Variants in SYT6 observed in about 807,000 individuals in gnomAD.
SYT6 encodes synaptotagmin 6.
A neutral mutation model predicts 38.4 loss-of-function variants in SYT6; 24 were observed. That is an observed-to-expected ratio of 0.62 (90% confidence interval 0.45 to 0.88). SYT6 has a LOEUF of 0.88. SYT6 is among the 40% of genes least tolerant of loss of function. The probability of loss-of-function intolerance (pLI) is 0.00; values close to 1 mark genes in which losing one functional copy is unlikely to be tolerated. For missense variants in SYT6, 611 were observed against 621.0 expected, an observed-to-expected ratio of 0.98 and a Z score of 0.17; for synonymous variants, 265 against 241.9, an observed-to-expected ratio of 1.10 and a Z score of -0.89.
intron 3 of SYT6, 137 bp downstream of exon 3, chr1:114,137,358 G>A: frequency 1.0e-6 from 1 of 990,270 alleles, no homozygotes; most frequent in East Asian, 2.6e-5. Context: ...TGGGCCACTG[G>A]GCAGTTTCCA....
intron 3 of SYT6, among the ~76,000 whole-genome samples, chr1:114,133,614 G>C (rs1235018569): frequency 6.6e-6 from 1 of 152,178 alleles, no homozygotes; most frequent in African/African-American, 2.4e-5. Context: ...AGAGATGGGG[G>C]AAACAGCAGG....
Position 114,153,728 on chromosome 1 carries a change from C to G in SYT6, c.45G>C (p.Ala15=). 1 of 682,220 alleles carries G rather than the reference C, an allele frequency of 1.5e-6. No homozygotes were observed. The highest frequency in any genetic ancestry group is 2.9e-5 in the East Asian group (1 of 34,010). 42.3% of individuals were successfully genotyped at this position (682,220 alleles called of 1,614,324 possible). A position where few individuals can be genotyped will look rare whatever the true frequency, so the allele number is the denominator to read the frequency against. ...WGAGGPRCQE[A]LAVLASLCRA... Reference sequence around the variant, plus strand: ...GGCACAGCGAGGCGAGGACCGCGAGCGCCTCCTGGCACCGAGGCCCGCCGG... The same window carrying G: ...GGCACAGCGAGGCGAGGACCGCGAGGGCCTCCTGGCACCGAGGCCCGCCGG... Residue 15 remains alanine (A), a synonymous_variant, in exon 1 of 8, where the codon GCG becomes GCC. Coordinates refer to ENST00000610222, the MANE Select transcript of SYT6 (RefSeq NM_001253772.2).
chr1:114,092,328 C>CTCTCTCTT (rs2101614396), intron 7 of SYT6, among the ~76,000 whole-genome samples: 1 of 147,440 alleles, frequency 6.8e-6, no homozygotes, highest in African/African-American at 2.5e-5. Flanking sequence ...CTCTCTCTCT[C>CTCTCTCTT]TCTCTCTCTC....
chr1:114,120,426 C>A (rs1016835035), intron 3 of SYT6, among the ~76,000 whole-genome samples: 1 of 152,184 alleles, frequency 6.6e-6, no homozygotes, highest in African/African-American at 2.4e-5. Context: ...GAGGGCAGGG[C>A]GTGCACATTG....
intron 1 of SYT6, among the ~76,000 whole-genome samples, chr1:114,149,016 A>G (rs551159767): frequency 2.0e-5 from 3 of 151,890 alleles, no homozygotes; most frequent in East Asian, 1.9e-4. Flanking sequence ...TGGGAGGGAT[A>G]CTCCCACTTT....
At chr1:114,111,931 C>T (rs974426200) in intron 3 of SYT6, among the ~76,000 whole-genome samples, 4 of 152,144 alleles carry the variant, frequency 2.6e-5, no homozygotes, top group African/African-American at 9.7e-5. Context: ...TGAGTTGATT[C>T]CCTGCTCCGC....
At chr1:114,113,623 G>A (rs1271633033) in intron 3 of SYT6, among the ~76,000 whole-genome samples, 4 of 151,984 alleles carry the variant, frequency 2.6e-5, no homozygotes, top group Non-Finnish European at 5.9e-5. Flanking sequence ...TTCCTCTTTT[G>A]GATTTAGATC....
chr1:114,134,869 A>G (rs1439956506), intron 3 of SYT6, among the ~76,000 whole-genome samples: 1 of 152,212 alleles, frequency 6.6e-6, no homozygotes, highest in Non-Finnish European at 1.5e-5. Context: ...GGGAATTCAT[A>G]TATGCTTAGT....
At chr1:114,113,940 T>C (rs1361190954) in intron 3 of SYT6, among the ~76,000 whole-genome samples, 1 of 152,190 alleles carries the variant, frequency 6.6e-6, no homozygotes, top group Non-Finnish European at 1.5e-5. Context: ...CGGGGCTGAC[T>C]CTTCAGCCTC....
intron 4 of SYT6, among the ~76,000 whole-genome samples, chr1:114,102,295 A>G (rs763766809): frequency 3.3e-5 from 5 of 152,352 alleles, no homozygotes; most frequent in Admixed American, 6.5e-5. Flanking sequence ...TTCCCAGGCC[A>G]GAAGAGGTCC....
In SYT6 at chr1:114,097,872, C is replaced by A. The variant is rs1675733982; in HGVS notation, c.1370G>T (p.Gly457Val). The A allele has an allele frequency of 6.2e-7, 1 of 1,614,056 alleles. No individual in the cohort carries two copies. ...ACAGACTCCTATGATCTCATTGTGGCCCACTCTGAGGGAGAAACAAAAGTC... is the reference window on the plus strand; with the variant it reads ...ACAGACTCCTATGATCTCATTGTGGACCACTCTGAGGGAGAAACAAAAGTC... The part of the protein sequence containing the change: ...LISVMDYDRV[G>V]HNEIIGVCRV... Residue 457 changes from glycine to valine, a missense_variant, in exon 6 of 8, where the codon GGC becomes GTC. Physicochemically the swap from Gly to Val is moderately radical, Grantham distance 109. Transcript: ENST00000610222.
intron 6 of SYT6, among the ~76,000 whole-genome samples, chr1:114,095,870 C>T (rs1675606982): frequency 6.6e-6 from 1 of 152,056 alleles, no homozygotes; most frequent in South Asian, 2.1e-4. Context: ...CCGTGTTAGC[C>T]AGGACGGTCT....
Position 114,137,569 on chromosome 1 carries a change from G to T in SYT6, c.997C>A (p.Leu333Met). Residue 333 changes from leucine to methionine, a missense_variant, in exon 3 of 8, where the codon CTG becomes ATG. By Grantham distance (15) the Leu-to-Met change is conservative. Transcript: ENST00000610222. The part of the protein sequence containing the change: ...SRHDMIGEVI[L>M]DNLFEASDLS... ...TCAGAGGCCTCAAAGAGGTTGTCCA[G>T]GATGACCTCGCCAATCATGTCATGG... 6.2e-7 allele frequency: 1 copy of T among 1,614,218 alleles called. No individual in the cohort carries two copies. The highest frequency in any genetic ancestry group is 8.5e-7 in the Non-Finnish European group (1 of 1,180,034).
chr1:114,096,686 T>TG (rs1436177544), intron 6 of SYT6, among the ~76,000 whole-genome samples: 1 of 152,118 alleles, frequency 6.6e-6, no homozygotes, highest in Non-Finnish European at 1.5e-5. Flanking sequence ...TCATAGAGTG[T>TG]GGGGAGGGGA....
intron 1 of SYT6, among the ~76,000 whole-genome samples, chr1:114,141,950 A>G (rs1481161504): frequency 6.6e-6 from 1 of 152,274 alleles, no homozygotes; most frequent in Non-Finnish European, 1.5e-5. Context: ...GTTGAGACTT[A>G]CTGCTCAGAA....
In SYT6 at chr1:114,137,936, C is replaced by T; in HGVS notation, c.630G>A (p.Glu210=). The change falls in exon 3 of 8, where the codon GAG becomes GAA. Residue 210 remains glutamate (E), a synonymous_variant. Coordinates refer to ENST00000610222, the MANE Select transcript of SYT6 (RefSeq NM_001253772.2). The part of the protein sequence containing the change: ...QPTSIGRIKP[E]LYKQKSVDGE... ...CATCCACCGACTTCTGCTTGTAGAG[C>T]TCAGGCTTGATGCGGCCAATGCTGG... 1.2e-6 allele frequency: 2 copies of T among 1,614,036 alleles called. No individual in the cohort carries two copies. Among genetic ancestry groups the T allele is most frequent in the Non-Finnish European group, 1.7e-6 (2 of 1,180,006 alleles).
chr1:114,094,342 T>C (rs1273076176), intron 6 of SYT6, among the ~76,000 whole-genome samples: 1 of 152,194 alleles, frequency 6.6e-6, no homozygotes, highest in Non-Finnish European at 1.5e-5. Flanking sequence ...GTAAGGTCTT[T>C]TGTTGCTCTG....
In SYT6 at chr1:114,127,884, G is replaced by A. The variant is rs79845209; in HGVS notation, c.1071+9611C>T. 3.2e-3 allele frequency among the ~76,000 whole-genome samples: 482 copies of A among 152,322 alleles called. 21 individuals carry two copies. In the East Asian group the frequency reaches 0.079, roughly 25 times the overall value. On this transcript the variant is annotated intron_variant, in intron 3 of 7. Transcript: ENST00000610222. ...GGCCCAGGGGAGCATGGGGGCAAAT[G>A]AACATCCAGCAAAGACAACCGGGGA...
At chr1:114,139,517 T>A in intron 2 of SYT6, 98 bp downstream of exon 2, 2 of 1,507,220 alleles carry the variant, frequency 1.3e-6, no homozygotes, top group Non-Finnish European at 1.8e-6. Flanking sequence ...TATGTGTTAT[T>A]ATTTCTGGTC....
Sources: allele counts gnomAD v4.1 joint callset (sites outside exome capture counted in the v4.1 genomes callset), GRCh38; gene constraint gnomAD v4.1.1; transcripts MANE v1.5; gene names NCBI Gene and HGNC (gene_info 2026-07-23, HGNC 2026-07-21).